The following OSBPL8 variants were observed in gnomAD, a reference collection of about 807,000 sequenced individuals.
OSBPL8 encodes oxysterol-binding protein-related protein 8.
A neutral mutation model predicts 125.5 loss-of-function variants in OSBPL8; 59 were observed. That is an observed-to-expected ratio of 0.47 (90% CI 0.38 to 0.58). The LOEUF (loss-of-function observed/expected upper bound fraction) is 0.58. Among genes scored for constraint, OSBPL8 ranks in the 20% least tolerant of loss-of-function variants. The probability of loss-of-function intolerance (pLI) is 0.00; values close to 1 mark genes in which losing one functional copy is unlikely to be tolerated. For missense variants in OSBPL8, 758 were observed against 1,047.8 expected (o/e 0.72, Z 3.82); for synonymous variants, 330 against 338.9 (o/e 0.97, Z 0.29).
At chr12:76,392,440 A>G in intron 10 of OSBPL8, 141 bp downstream of exon 10, 1 of 639,894 alleles carries the variant, frequency 1.6e-6, no homozygotes, top group Non-Finnish European at 2.5e-6. Flanking sequence ...AACAAATTTT[A>G]AGCCGGTTCC....
chr12:76,428,798 G>A (rs1870466207), intron 4 of OSBPL8, among the ~76,000 whole-genome samples: 1 of 152,060 alleles, frequency 6.6e-6, no homozygotes, highest in Admixed American at 6.6e-5. Context: ...GAATATAGTT[G>A]ACACATTAGA....
intron 2 of OSBPL8, among the ~76,000 whole-genome samples, chr12:76,467,624 A>G (rs1875616481): frequency 6.6e-6 from 1 of 151,316 alleles, no homozygotes; most frequent in Non-Finnish European, 1.5e-5. Context: ...TTAAATTCTG[A>G]TTTTTTTGCC....
intron 1 of OSBPL8, among the ~76,000 whole-genome samples, chr12:76,547,111 A>G (rs1374550278): frequency 6.6e-6 from 1 of 152,226 alleles, no homozygotes; most frequent in Non-Finnish European, 1.5e-5. Context: ...TACGACTCCA[A>G]TTACAAAAGA....
intron 2 of OSBPL8, among the ~76,000 whole-genome samples, chr12:76,481,246 T>C (rs1877441479): frequency 6.6e-6 from 1 of 152,216 alleles, no homozygotes; most frequent in Non-Finnish European, 1.5e-5. Flanking sequence ...TGGCAATTTG[T>C]TACAGTCGCA....
intron 8 of OSBPL8, among the ~76,000 whole-genome samples, chr12:76,395,070 C>T (rs1231840086): frequency 6.6e-6 from 1 of 151,876 alleles, no homozygotes; most frequent in Non-Finnish European, 1.5e-5. Context: ...ATAAGAAATA[C>T]TAAATTTCTA....
chr12:76,557,389 G>A (rs1261409353), intron 1 of OSBPL8, among the ~76,000 whole-genome samples: 1 of 152,114 alleles, frequency 6.6e-6, no homozygotes, highest in African/African-American at 2.4e-5. Context: ...GGCTGAGGCG[G>A]GCGGATCTTG....
chr12:76,410,236 TTAAGA>T (rs2136415899), intron 5 of OSBPL8, among the ~76,000 whole-genome samples: 1 of 152,246 alleles, frequency 6.6e-6, no homozygotes, highest in East Asian at 1.9e-4. Context: ...CTCAAAACAC[TTAAGA>T]TTTTTTTTTT....
At chr12:76,522,661 A>C (rs2137271840) in intron 1 of OSBPL8, among the ~76,000 whole-genome samples, 1 of 151,990 alleles carries the variant, frequency 6.6e-6, no homozygotes, top group East Asian at 1.9e-4. Flanking sequence ...TTCTCACCAG[A>C]AGCTGAGCAG....
At chr12:76,431,408 TCTTA>T (rs531474088) in intron 4 of OSBPL8, among the ~76,000 whole-genome samples, 179 of 152,188 alleles carry the variant, frequency 1.2e-3, no homozygotes, top group African/African-American at 4.2e-3. Context: ...AAGAATAAGT[TCTTA>T]CTTATCAATA....
rs1357209700 is a variant in OSBPL8, at chr12:76,358,828, C to G, written c.2329-17G>C. The G allele has an allele frequency of 1.2e-6, 2 of 1,601,302 alleles. No homozygotes were observed. The highest frequency in any genetic ancestry group is 1.7e-5 in the Admixed American group (1 of 59,960). ...GACGCTAACCTAAAGAAAAAAATAA[C>G]TATTTTGTGAATTTGCACTGTATTT... On this transcript the variant is annotated splice_polypyrimidine_tract_variant and intron_variant, in intron 21 of 23. Coordinates refer to ENST00000261183, the MANE Select transcript of OSBPL8 (RefSeq NM_020841.5).
intron 6 of OSBPL8, among the ~76,000 whole-genome samples, chr12:76,400,254 A>AAC (rs1482681560): frequency 1.3e-5 from 2 of 152,168 alleles, no homozygotes. Flanking sequence ...TCTAAGTGAG[A>AAC]ACATGCAGTA....
chr12:76,409,875 G>A (rs369325803), intron 5 of OSBPL8, among the ~76,000 whole-genome samples: 3 of 152,116 alleles, frequency 2.0e-5, no homozygotes, highest in East Asian at 3.9e-4. Context: ...TTATCTTACA[G>A]TCATTGAAGT....
At chr12:76,381,496 CTCTTT>C (rs1338158888) in intron 15 of OSBPL8, among the ~76,000 whole-genome samples, 3 of 152,138 alleles carry the variant, frequency 2.0e-5, no homozygotes, top group South Asian at 4.1e-4. Flanking sequence ...AAATTTCTAT[CTCTTT>C]TAATTCTGTC....
At position 76,382,014 on chromosome 12, in the gene OSBPL8, C is replaced by T. The variant is rs1592567208; in HGVS notation, c.1630+2240G>A. The stretch of plus-strand genomic sequence containing the variant: ...TCTCCCAAAGTGCTGGGATTACATG[C>T]CTGAGCCACCATGCGCGGCCTACTT... On this transcript the variant is annotated intron_variant, in intron 15 of 23. Transcript: ENST00000261183. Among the ~76,000 whole-genome samples, 3 of 152,266 alleles carry T rather than the reference C, an allele frequency of 2.0e-5. 1 individual carries two copies. Among genetic ancestry groups the T allele is most frequent in the Admixed American group, 2.0e-4 (3 of 15,294 alleles).
chr12:76,536,022 A>C (rs1477045884), intron 1 of OSBPL8, among the ~76,000 whole-genome samples: 4 of 152,184 alleles, frequency 2.6e-5, no homozygotes, highest in Non-Finnish European at 5.9e-5. Flanking sequence ...GTTTCATTTT[A>C]TTCAGGTGTA....
At chr12:76,363,765 C>A (rs932461105) in intron 21 of OSBPL8, among the ~76,000 whole-genome samples, 2 of 152,092 alleles carry the variant, frequency 1.3e-5, no homozygotes, top group Non-Finnish European at 2.9e-5. Flanking sequence ...ATCCATCTGA[C>A]AAAGGCTAAT....
chr12:76,477,218 T>C (rs1876915165), intron 2 of OSBPL8, among the ~76,000 whole-genome samples: 1 of 152,220 alleles, frequency 6.6e-6, no homozygotes, highest in Admixed American at 6.5e-5. Flanking sequence ...TCGAGTTTCC[T>C]TTATACTCTT....
chr12:76,544,876 C>T (rs926108297), intron 1 of OSBPL8, among the ~76,000 whole-genome samples: 7 of 151,272 alleles, frequency 4.6e-5, no homozygotes, highest in African/African-American at 1.7e-4. Flanking sequence ...ATCTGTAAAA[C>T]AGTTAGAATA....
At position 76,355,843 on chromosome 12, in the gene OSBPL8, G is replaced by C; in HGVS notation, c.*46C>G. 1.3e-6 allele frequency: 2 copies of C among 1,589,608 alleles called. No individual in the cohort carries two copies. The highest frequency in any genetic ancestry group is 1.7e-6 in the Non-Finnish European group (2 of 1,168,086). On this transcript the variant is annotated 3_prime_UTR_variant, in exon 24 of 24. Coordinates refer to ENST00000261183, the MANE Select transcript of OSBPL8 (RefSeq NM_020841.5). ...AAACCAACTTGAACACTGGTCCCAGGCCAAATCAGATCTTTCTAGTTCACT... is the reference window on the plus strand; with the variant it reads ...AAACCAACTTGAACACTGGTCCCAGCCCAAATCAGATCTTTCTAGTTCACT...
Sources: gnomAD v4.1 joint callset for allele counts (sites outside exome capture counted in the v4.1 genomes callset) on GRCh38, gnomAD v4.1.1 for gene constraint, MANE v1.5 for transcripts, NCBI Gene and HGNC (gene_info 2026-07-23, HGNC 2026-07-21) for gene names.